The following WDR70 variants were observed in gnomAD, a reference collection of about 807,000 sequenced individuals.
WDR70 encodes WD repeat domain 70, also known as WD repeat-containing protein 70.
Under a neutral mutation model 88.6 loss-of-function variants are expected in WDR70, and 53 were observed. The ratio of observed to expected loss-of-function variants is 0.60; its 90% CI spans 0.48 to 0.75. WDR70 has a LOEUF of 0.75. Ranked by LOEUF, WDR70 falls within the 30% of genes least tolerant of loss-of-function variation. The pLI, the probability that WDR70 is intolerant of heterozygous loss-of-function variation, is 0.00. For synonymous variants in WDR70, 280 were observed against 270.0 expected, an observed-to-expected ratio of 1.04 and a Z score of -0.36; for missense variants, 610 against 823.2, an observed-to-expected ratio of 0.74 and a Z score of 3.17.
At chr5:37,503,900 G>T (rs1322916136) in intron 8 of WDR70, among the ~76,000 whole-genome samples, 2 of 152,184 alleles carry the variant, frequency 1.3e-5, no homozygotes, top group East Asian at 3.9e-4. Flanking sequence ...TTTCTAGTTT[G>T]TGTGCATAGA....
At chr5:37,585,056 T>C (rs1035484401) in intron 9 of WDR70, among the ~76,000 whole-genome samples, 4 of 150,244 alleles carry the variant, frequency 2.7e-5, no homozygotes, top group Non-Finnish European at 4.4e-5. Flanking sequence ...CATGGCACGA[T>C]ATCGGCTCAC....
At chr5:37,462,939 T>G (rs1389148972) in intron 7 of WDR70, among the ~76,000 whole-genome samples, 2 of 152,174 alleles carry the variant, frequency 1.3e-5, no homozygotes, top group African/African-American at 4.8e-5. Flanking sequence ...CATCTCTGTA[T>G]AGTGTTGCCA....
chr5:37,561,245 G>A (rs576383954), intron 9 of WDR70, among the ~76,000 whole-genome samples: 1 of 152,216 alleles, frequency 6.6e-6, no homozygotes, highest in Admixed American at 6.5e-5. Flanking sequence ...CCACGAAGAC[G>A]GGACAATTTG....
chr5:37,513,117 T>G (rs532205677), intron 8 of WDR70, among the ~76,000 whole-genome samples: 10 of 152,180 alleles, frequency 6.6e-5, no homozygotes, highest in Non-Finnish European at 1.5e-5. Context: ...CCATCCTTAT[T>G]TTTTTGTGTG....
intron 17 of WDR70, among the ~76,000 whole-genome samples, chr5:37,742,263 G>GTTTTTTTTTT (rs549421990): frequency 8.1e-6 from 1 of 123,678 alleles, no homozygotes; most frequent in Non-Finnish European, 1.8e-5. Flanking sequence ...ATTATCTGTT[G>GTTTTTTTTTT]TTTTTTTTTT....
Position 37,642,244 on chromosome 5 carries a change from T to C in WDR70, c.1092+37006T>C, listed in dbSNP as rs150608081. On this transcript the variant is annotated intron_variant, in intron 10 of 17. Transcript: ENST00000265107. ...GTCTGCTCTTCTGCTCCCTTCTATATTAACTCTATTTTTTCTTTCCAAATG... is the reference window on the plus strand; with the variant it reads ...GTCTGCTCTTCTGCTCCCTTCTATACTAACTCTATTTTTTCTTTCCAAATG... 1.4e-4 allele frequency among the ~76,000 whole-genome samples: 22 copies of C among 152,286 alleles called. No homozygotes were observed. In the East Asian group the frequency reaches 4.0e-3, roughly 28 times the overall value.
intron 9 of WDR70, among the ~76,000 whole-genome samples, chr5:37,553,210 A>G (rs1205707383): frequency 6.6e-6 from 1 of 152,178 alleles, no homozygotes; most frequent in Non-Finnish European, 1.5e-5. Context: ...CGGGAGCTTT[A>G]TATACCCTAA....
At chr5:37,722,499 A>G (rs1321978914) in intron 14 of WDR70, 2 of 230,264 alleles carry the variant, frequency 8.7e-6, no homozygotes, top group Non-Finnish European at 1.7e-5. Flanking sequence ...AGTCTGAGAC[A>G]TAAACTAAAA....
intron 5 of WDR70, among the ~76,000 whole-genome samples, chr5:37,406,102 T>C (rs1453601840): frequency 6.6e-6 from 1 of 152,084 alleles, no homozygotes; most frequent in Non-Finnish European, 1.5e-5. Flanking sequence ...GAAGGGAAAC[T>C]GGAAAACTAA....
intron 9 of WDR70, among the ~76,000 whole-genome samples, chr5:37,595,117 C>G (rs1001916887): frequency 1.3e-4 from 20 of 152,092 alleles, no homozygotes; most frequent in Non-Finnish European, 7.4e-5. Context: ...CTTTTCCTAA[C>G]TGAATACGCT....
chr5:37,549,471 T>C (rs1002969425), intron 9 of WDR70, among the ~76,000 whole-genome samples: 1 of 152,234 alleles, frequency 6.6e-6, no homozygotes. Flanking sequence ...TACTGATTTT[T>C]TTATGTTGAT....
At chr5:37,594,090 C>T (rs1402349699) in intron 9 of WDR70, among the ~76,000 whole-genome samples, 4 of 152,164 alleles carry the variant, frequency 2.6e-5, no homozygotes, top group Non-Finnish European at 5.9e-5. Context: ...TTCTCCCATT[C>T]TGCAGGTTGC....
chr5:37,504,815 C>G (rs1262404567), intron 8 of WDR70, among the ~76,000 whole-genome samples: 1 of 152,152 alleles, frequency 6.6e-6, no homozygotes, highest in African/African-American at 2.4e-5. Flanking sequence ...TTCCTTGCCT[C>G]ATGTTGATGA....
chr5:37,623,944 T>C (rs1208781870), intron 10 of WDR70, among the ~76,000 whole-genome samples: 2 of 152,158 alleles, frequency 1.3e-5, no homozygotes, highest in Non-Finnish European at 2.9e-5. Flanking sequence ...AATTGATCCT[T>C]TCCTTCACTT....
chr5:37,642,990 T>G (rs1745142562), intron 10 of WDR70, among the ~76,000 whole-genome samples: 1 of 152,152 alleles, frequency 6.6e-6, no homozygotes, highest in African/African-American at 2.4e-5. Flanking sequence ...GATTTTTACC[T>G]TCATAAGATC....
intron 9 of WDR70, among the ~76,000 whole-genome samples, chr5:37,529,186 A>G (rs548136682): frequency 1.3e-5 from 2 of 151,916 alleles, no homozygotes; most frequent in African/African-American, 2.4e-5. Context: ...CTTTGTGCCT[A>G]TTTTTATACC....
intron 5 of WDR70, among the ~76,000 whole-genome samples, chr5:37,417,563 G>A (rs1034284439): frequency 3.4e-5 from 5 of 148,328 alleles, no homozygotes; most frequent in Non-Finnish European, 7.4e-5. Flanking sequence ...TTAAGAGACA[G>A]CGTATTGCTC....
chr5:37,595,405 C>T (rs1460190571), intron 9 of WDR70, among the ~76,000 whole-genome samples: 1 of 152,082 alleles, frequency 6.6e-6, no homozygotes, highest in Non-Finnish European at 1.5e-5. Context: ...AGTATTTATA[C>T]ATTGAAAACC....
chr5:37,544,975 TTTC>T lies in WDR70; in HGVS notation c.917+28393_917+28395del, dbSNP rs1280174607. Among the ~76,000 whole-genome samples, 6 of 152,190 alleles carry T rather than the reference TTTC, an allele frequency of 3.9e-5. No homozygotes were observed. In the South Asian group the frequency reaches 6.2e-4, roughly 16 times the overall value. On this transcript the variant is annotated intron_variant, in intron 9 of 17. Transcript: ENST00000265107. ...AAGTAAACTTTTCTGTAACTGAAAGTTTCTTCTTCTGTATTTTAAGTATTTTGG... is the reference window on the plus strand; with the variant it reads ...AAGTAAACTTTTCTGTAACTGAAAGTTTCTTCTGTATTTTAAGTATTTTGG...
Sources: allele counts gnomAD v4.1 joint callset (sites outside exome capture counted in the v4.1 genomes callset), GRCh38; gene constraint gnomAD v4.1.1; transcripts MANE v1.5; gene names NCBI Gene and HGNC (gene_info 2026-07-23, HGNC 2026-07-21).